The following NAALAD2 variants were observed in gnomAD, a reference collection of about 807,000 sequenced individuals.
The protein encoded by NAALAD2 is N-acetylated-alpha-linked acidic dipeptidase 2.
NAALAD2 carries 89 observed loss-of-function variants against 95.6 expected under a neutral mutation model. The observed-to-expected ratio is 0.93, with a 90% CI of 0.78 to 1.11. NAALAD2 has a LOEUF of 1.11. Ranked by LOEUF, NAALAD2 falls within the 50% of genes least tolerant of loss-of-function variation. NAALAD2 has a pLI of 0.00. For missense variants in NAALAD2, 894 were observed against 872.4 expected (o/e 1.02, Z -0.31); for synonymous variants, 264 against 294.4 (o/e 0.90, Z 1.06).
intron 18 of NAALAD2, 109 bp from the exon 19 acceptor site, chr11:90,191,449 A>T: frequency 1.5e-6 from 1 of 678,866 alleles, no homozygotes; most frequent in Non-Finnish European, 2.2e-6. Context: ...TCTTCTTATT[A>T]TAGGAACAAA....
intron 18 of NAALAD2, 132 bp downstream of exon 18, chr11:90,183,140 C>G (rs1857017979): frequency 1.7e-6 from 1 of 593,330 alleles, no homozygotes; most frequent in Non-Finnish European, 3.1e-6. Context: ...TAAGATTGTA[C>G]ATTTAATAAT....
At chr11:90,185,873 T>TTA (rs61121840) in intron 18 of NAALAD2, among the ~76,000 whole-genome samples, 5 of 149,184 alleles carry the variant, frequency 3.4e-5, no homozygotes, top group South Asian at 2.1e-4. Context: ...TTTTTTTTTT[T>TTA]TATATACATT....
intron 11 of NAALAD2, among the ~76,000 whole-genome samples, chr11:90,167,409 C>T (rs1952498422): frequency 6.6e-6 from 1 of 152,212 alleles, no homozygotes; most frequent in Admixed American, 6.5e-5. Flanking sequence ...CTGCAGCCCA[C>T]CATGCCTGAG....
chr11:90,147,629 C>A, intron 3 of NAALAD2, 113 bp downstream of exon 3: 1 of 954,198 alleles, frequency 1.0e-6, no homozygotes, highest in South Asian at 1.8e-5. Context: ...ATTCAGTATC[C>A]ACTATGTGTT....
chr11:90,191,494 A>G lies in NAALAD2; in HGVS notation c.2034-64A>G, dbSNP rs1857325736. 18 of 1,258,778 alleles carry G rather than the reference A, an allele frequency of 1.4e-5. 1 individual carries two copies. In the South Asian group the frequency reaches 3.6e-4, roughly 25 times the overall value. The allele number at this position is 1,258,778 out of a possible 1,614,324, so 78.0% of individuals were successfully genotyped here. On this transcript the variant is annotated intron_variant, in intron 18 of 18. Transcript: ENST00000534061. ...CACAAGGAAACATCATGTGGTCTAA[A>G]CAAAAAGCATGCAAAATGCATGTAT...
At chr11:90,176,143 C>T in intron 15 of NAALAD2, 81 bp downstream of exon 15, 1 of 1,052,904 alleles carries the variant, frequency 9.5e-7, no homozygotes, top group South Asian at 1.4e-5. Context: ...TGTTTGGCAC[C>T]AGACACCTGG....
intron 18 of NAALAD2, among the ~76,000 whole-genome samples, chr11:90,184,442 A>G (rs1338864149): frequency 6.6e-6 from 1 of 152,170 alleles, no homozygotes; most frequent in African/African-American, 2.4e-5. Context: ...TTTTATAAAT[A>G]ATAAAAACAC....
chr11:90,174,395 G>C (rs916978258), intron 14 of NAALAD2, among the ~76,000 whole-genome samples: 9 of 151,840 alleles, frequency 5.9e-5, no homozygotes, highest in African/African-American at 1.9e-4. Flanking sequence ...AGCATGTGAA[G>C]TCTTTCAGTC....
intron 17 of NAALAD2, 92 bp downstream of exon 17, chr11:90,181,793 T>C: frequency 1.3e-6 from 1 of 794,570 alleles, no homozygotes; most frequent in Non-Finnish European, 2.0e-6. Context: ...CATTAACCTC[T>C]AAATCACTAC....
intron 6 of NAALAD2, among the ~76,000 whole-genome samples, 194 bp downstream of exon 6, chr11:90,152,678 C>T (rs1271144428): frequency 6.6e-6 from 1 of 152,034 alleles, no homozygotes; most frequent in African/African-American, 2.4e-5. Flanking sequence ...CATGAGATGT[C>T]GGCATGGGGA....
At chr11:90,155,292 A>G (rs1415304920) in intron 6 of NAALAD2, among the ~76,000 whole-genome samples, 1 of 122,860 alleles carries the variant, frequency 8.1e-6, no homozygotes, top group Non-Finnish European at 1.6e-5. Context: ...ATATGCATAT[A>G]TGTATATATA....
intron 8 of NAALAD2, among the ~76,000 whole-genome samples, chr11:90,160,593 A>G (rs944749275): frequency 2.0e-5 from 3 of 152,208 alleles, no homozygotes; most frequent in African/African-American, 7.2e-5. Flanking sequence ...AAATCAGAAC[A>G]GTGCTCTTTT....
intron 17 of NAALAD2, among the ~76,000 whole-genome samples, chr11:90,182,241 A>G (rs1952995478): frequency 6.6e-6 from 1 of 152,144 alleles, no homozygotes; most frequent in Non-Finnish European, 1.5e-5. Context: ...AGTACATTCA[A>G]AGTAAATACC....
chr11:90,134,610 C>A (rs1401185608), upstream of NAALAD2: 3 of 660,494 alleles, frequency 4.5e-6, no homozygotes, highest in African/African-American at 1.8e-5. Flanking sequence ...GACCACAGGT[C>A]CCCAGCGGGT....
At chr11:90,178,515 C>CA (rs1952868386) in intron 16 of NAALAD2, among the ~76,000 whole-genome samples, 1 of 151,864 alleles carries the variant, frequency 6.6e-6, no homozygotes, top group African/African-American at 2.4e-5. Flanking sequence ...ACTGAAAATA[C>CA]AAAAAACTAG....
At chr11:90,168,214 A>C (rs569013565) in intron 11 of NAALAD2, among the ~76,000 whole-genome samples, 95 of 152,330 alleles carry the variant, frequency 6.2e-4, no homozygotes, top group African/African-American at 2.2e-3. Context: ...CAGCGAGACC[A>C]CAAACCCACC....
chr11:90,158,929 G>T, intron 7 of NAALAD2: 1 of 285,354 alleles, frequency 3.5e-6, no homozygotes, highest in Non-Finnish European at 6.6e-6. Flanking sequence ...GGATATCTTG[G>T]ATTCAGTGAG....
chr11:90,161,898 G>T (rs893354515), intron 8 of NAALAD2, among the ~76,000 whole-genome samples: 1 of 146,550 alleles, frequency 6.8e-6, no homozygotes, highest in Non-Finnish European at 1.5e-5. Flanking sequence ...GTAGCAAAAA[G>T]AAATCATTTA....
intron 11 of NAALAD2, among the ~76,000 whole-genome samples, chr11:90,167,134 C>T (rs1259850162): frequency 1.3e-5 from 2 of 152,210 alleles, no homozygotes; most frequent in Non-Finnish European, 2.9e-5. Context: ...GTGGGAGCCC[C>T]TTTCTGGGCT....
Sources: allele counts gnomAD v4.1 joint callset (sites outside exome capture counted in the v4.1 genomes callset), GRCh38; gene constraint gnomAD v4.1.1; transcripts MANE v1.5; gene names NCBI Gene and HGNC (gene_info 2026-07-23, HGNC 2026-07-21).